The following PCDHGA6 variants were observed in gnomAD, a reference collection of about 807,000 sequenced individuals.
The protein encoded by PCDHGA6 is protocadherin gamma-A6.
Under a neutral mutation model 60.6 loss-of-function variants are expected in PCDHGA6, and 41 were observed. The observed-to-expected ratio is 0.68, with a 90% CI of 0.53 to 0.88. PCDHGA6 has a LOEUF of 0.88. Among genes scored for constraint, PCDHGA6 ranks in the 40% least tolerant of loss-of-function variants. The pLI is 0.00. For missense variants in PCDHGA6, 1,312 were observed against 1,203.0 expected (o/e 1.09, Z -1.34); for synonymous variants, 594 against 524.4 (o/e 1.13, Z -1.81).
intron 1 of PCDHGA6, chr5:141,392,765 C>T (rs952463522): frequency 2.7e-6 from 4 of 1,482,974 alleles, no homozygotes; most frequent in Admixed American, 5.1e-5. Flanking sequence ...TAAATAAGAC[C>T]CATTTATGCA....
intron 3 of PCDHGA6, among the ~76,000 whole-genome samples, chr5:141,508,506 C>G (rs2099869342): frequency 6.6e-6 from 1 of 152,180 alleles, no homozygotes; most frequent in Admixed American, 6.5e-5. Context: ...TCTCTCCCTC[C>G]TGGTCCAGCC....
Position 141,485,751 on chromosome 5 carries a change from A to G in PCDHGA6, c.2425-9056A>G. ...CGCAGCGACGGCAGCCTGGTCCCAG[A>G]GCTGCTCCTGGAGAAGCCTTTGGAT... is the stretch of plus-strand genomic sequence containing the variant. On this transcript the variant is annotated intron_variant, in intron 1 of 3. Coordinates refer to ENST00000517434, the MANE Select transcript of PCDHGA6 (RefSeq NM_018919.3). This position sits in a 1 kb window ranked among gnomAD's most constrained non-coding sequence, Gnocchi z 5.7. 6.2e-7 allele frequency: 1 copy of G among 1,614,166 alleles called. No individual in the cohort carries two copies. Among genetic ancestry groups the G allele is most frequent in the Non-Finnish European group, 8.5e-7 (1 of 1,179,998 alleles).
chr5:141,449,475 C>T (rs1351574160), intron 1 of PCDHGA6, among the ~76,000 whole-genome samples: 8 of 150,696 alleles, frequency 5.3e-5, no homozygotes, highest in African/African-American at 1.9e-4. Flanking sequence ...GGCCTGGTAC[C>T]CCATGCCTAA....
intron 1 of PCDHGA6, among the ~76,000 whole-genome samples, chr5:141,451,804 C>G (rs914303400): frequency 9.2e-5 from 14 of 151,946 alleles, no homozygotes; most frequent in African/African-American, 3.4e-4. Context: ...TTGCTTGAAC[C>G]CAGGAGGCGG....
chr5:141,420,187 CA>C (rs779974762), intron 1 of PCDHGA6: 25 of 1,613,706 alleles, frequency 1.5e-5, no homozygotes, highest in Non-Finnish European at 2.1e-5. Flanking sequence ...ATTGTCCAGC[CA>C]CACAAGATAA....
chr5:141,429,239 T>C (rs1344971786), intron 1 of PCDHGA6: 1 of 151,802 alleles, frequency 6.6e-6, no homozygotes, highest in East Asian at 1.9e-4. Context: ...ACTGCTGTCA[T>C]TGAGATATTT....
intron 1 of PCDHGA6, chr5:141,383,821 G>T: frequency 1.2e-6 from 2 of 1,613,922 alleles, no homozygotes; most frequent in Non-Finnish European, 1.7e-6. Context: ...AGAAGGATTA[G>T]ATTATGAAGA....
In PCDHGA6 at chr5:141,431,716, G is replaced by T; in HGVS notation, c.2424+55209G>T. On this transcript the variant is annotated intron_variant, in intron 1 of 3. Transcript: ENST00000517434. The surrounding 1 kb of genome is among the most constrained non-coding windows in gnomAD (Gnocchi z 4.8). ...AGTCAGGATTCTACCAGATGGAAGT[G>T]CAAGCAATGGATAATGCAGGATATT... 1 of 1,614,244 alleles carries T rather than the reference G, an allele frequency of 6.2e-7. No homozygotes were observed. Among genetic ancestry groups the T allele is most frequent in the Middle Eastern group, 1.6e-4 (1 of 6,062 alleles).
At position 141,423,431 on chromosome 5, in the gene PCDHGA6, G is replaced by A. The variant is rs1220133197; in HGVS notation, c.2424+46924G>A. On this transcript the variant is annotated intron_variant, in intron 1 of 3. Coordinates refer to ENST00000517434, the MANE Select transcript of PCDHGA6 (RefSeq NM_018919.3). ...CAGGCTTCTGAAGGCGGGTTGGCAGGTATGCCCACGTCACATTTTGTAGGC... is the reference window on the plus strand; with the variant it reads ...CAGGCTTCTGAAGGCGGGTTGGCAGATATGCCCACGTCACATTTTGTAGGC... 3 of 1,613,892 alleles carry A rather than the reference G, an allele frequency of 1.9e-6. No homozygotes were observed. Among genetic ancestry groups the A allele is most frequent in the Admixed American group, 3.3e-5 (2 of 60,012 alleles).
intron 1 of PCDHGA6, chr5:141,392,507 T>TC (rs2092547058): frequency 4.3e-6 from 1 of 231,946 alleles, no homozygotes; most frequent in East Asian, 8.6e-5. Context: ...GATTTTTTTT[T>TC]CTCAGTAATC....
intron 1 of PCDHGA6, chr5:141,427,774 G>T: frequency 1.4e-6 from 2 of 1,420,908 alleles, no homozygotes; most frequent in Non-Finnish European, 2.0e-6. Context: ...TTGGAGCTGC[G>T]GGCACTGTCG....
intron 1 of PCDHGA6, chr5:141,418,495 G>T (rs745982190): frequency 6.2e-7 from 1 of 1,613,974 alleles, no homozygotes; most frequent in South Asian, 1.1e-5. Context: ...ACTTGGTACT[G>T]ACCGCCTTAG....
chr5:141,419,699 C>A (rs1488905080), intron 1 of PCDHGA6: 1 of 1,612,924 alleles, frequency 6.2e-7, no homozygotes. Context: ...GGCCAGTGAG[C>A]CCGGGCTCTT....
chr5:141,439,960 T>G (rs1297261423), intron 1 of PCDHGA6: 1 of 152,668 alleles, frequency 6.6e-6, no homozygotes, highest in African/African-American at 2.4e-5. Flanking sequence ...AGATCCGTTA[T>G]TCAGTCCTAG....
At chr5:141,414,280 G>A (rs1448512468) in intron 1 of PCDHGA6, 2 of 1,613,604 alleles carry the variant, frequency 1.2e-6, no homozygotes, top group Admixed American at 1.7e-5. Context: ...TCTGGGAACA[G>A]TCGTAGCCCT....
At chr5:141,400,799 G>C (rs2094077749) in intron 1 of PCDHGA6, 1 of 553,376 alleles carries the variant, frequency 1.8e-6, no homozygotes, top group Non-Finnish European at 3.2e-6. Flanking sequence ...CTTTCTCAAA[G>C]CTAATGAATT....
intron 1 of PCDHGA6, chr5:141,413,151 T>G (rs1192899612): frequency 6.4e-7 from 1 of 1,573,560 alleles, no homozygotes; most frequent in Non-Finnish European, 8.6e-7. Context: ...GTGAGGACTT[T>G]GCAGAATTCT....
intron 1 of PCDHGA6, chr5:141,395,542 TTGTG>T (rs55729045): frequency 0.22 from 37,255 of 170,042 alleles, 4,387 homozygotes; most frequent in East Asian, 0.36. Flanking sequence ...TTGCTATTGT[TTGTG>T]TGTGTGTGTG....
chr5:141,404,174 C>A, intron 1 of PCDHGA6: 1 of 1,613,138 alleles, frequency 6.2e-7, no homozygotes, highest in Non-Finnish European at 8.5e-7. Flanking sequence ...GTTGACGGCC[C>A]AAATTCTTGA....
Sources: gnomAD v4.1 joint callset for allele counts (sites outside exome capture counted in the v4.1 genomes callset) on GRCh38, gnomAD v4.1.1 for gene constraint, Gnocchi (gnomAD v3.1) non-coding constraint, MANE v1.5 for transcripts, NCBI Gene and HGNC (gene_info 2026-07-23, HGNC 2026-07-21) for gene names.